The following NELL1 variants were observed in gnomAD, a reference collection of about 807,000 sequenced individuals.
NELL1 encodes the protein protein kinase C-binding protein NELL1.
Under a neutral mutation model 107.4 loss-of-function variants are expected in NELL1, and 76 were observed. The ratio of observed to expected loss-of-function variants is 0.71; its 90% CI spans 0.59 to 0.86. The LOEUF is 0.86. Ranked by LOEUF, NELL1 falls within the 40% of genes least tolerant of loss-of-function variation. The pLI is 0.00. For missense variants in NELL1, 1,024 were observed against 1,005.5 expected, an observed-to-expected ratio of 1.02 and a Z score of -0.25; for synonymous variants, 353 against 341.2, an observed-to-expected ratio of 1.03 and a Z score of -0.38.
At chr11:20,876,600 T>C (rs1464342111) in intron 4 of NELL1, among the ~76,000 whole-genome samples, 3 of 151,898 alleles carry the variant, frequency 2.0e-5, no homozygotes, top group Non-Finnish European at 4.4e-5. Context: ...CGGTCTCTAC[T>C]AAAAATACAA....
chr11:20,979,384 A>G, intron 12 of NELL1, among the ~76,000 whole-genome samples: 1 of 152,128 alleles, frequency 6.6e-6, no homozygotes, highest in Non-Finnish European at 1.5e-5. Context: ...TTGTGTGTGC[A>G]CACGTGTGTG....
chr11:21,457,184 A>G (rs1853768085), intron 15 of NELL1, among the ~76,000 whole-genome samples: 1 of 152,204 alleles, frequency 6.6e-6, no homozygotes, highest in South Asian at 2.1e-4. Context: ...TGATTAGAAT[A>G]TTGTTCATGT....
At chr11:20,929,404 T>G (rs545769452) in intron 9 of NELL1, among the ~76,000 whole-genome samples, 1 of 151,578 alleles carries the variant, frequency 6.6e-6, no homozygotes, top group Non-Finnish European at 1.5e-5. Flanking sequence ...AAATAATTGT[T>G]GAACTTTTCA....
chr11:21,197,586 T>C (rs1339308800), intron 13 of NELL1, among the ~76,000 whole-genome samples: 1 of 152,106 alleles, frequency 6.6e-6, no homozygotes, highest in Non-Finnish European at 1.5e-5. Flanking sequence ...AATTACTGAG[T>C]TGATGTTGAT....
chr11:20,774,860 A>G (rs1856718028), intron 2 of NELL1, among the ~76,000 whole-genome samples: 1 of 152,078 alleles, frequency 6.6e-6, no homozygotes, highest in Non-Finnish European at 1.5e-5. Context: ...ACACTATGTG[A>G]TGAGTACACC....
At position 21,462,352 on chromosome 11, in the gene NELL1, T is replaced by C. The variant is rs533215065; in HGVS notation, c.1646-72022T>C. Among the ~76,000 whole-genome samples, 3 of 152,266 alleles carry C rather than the reference T, an allele frequency of 2.0e-5. No homozygotes were observed. In the South Asian group the frequency reaches 6.2e-4, roughly 32 times the overall value. On this transcript the variant is annotated intron_variant, in intron 15 of 19. Coordinates refer to ENST00000357134, the MANE Select transcript of NELL1 (RefSeq NM_006157.5). ...AATGGGCAGTGCTTGCTCCTTAGCT[T>C]AGCCCAAGTAGCTTTTAAATGCAAT...
chr11:21,365,020 G>A (rs960279399), intron 14 of NELL1, among the ~76,000 whole-genome samples: 17 of 152,102 alleles, frequency 1.1e-4, no homozygotes, highest in African/African-American at 3.9e-4. Flanking sequence ...CTGGCAAAAA[G>A]CCCATTCATT....
In NELL1 at chr11:20,960,416, T is replaced by C; in HGVS notation, c.1172-16T>C. The C allele has an allele frequency of 2.5e-6, 4 of 1,611,326 alleles. No individual in the cohort carries two copies. Among genetic ancestry groups the C allele is most frequent in the Non-Finnish European group, 3.4e-6 (4 of 1,178,836 alleles). On this transcript the variant is annotated splice_polypyrimidine_tract_variant and intron_variant, in intron 11 of 19. Coordinates refer to ENST00000357134, the MANE Select transcript of NELL1 (RefSeq NM_006157.5). ...TTCCTCCTTTTCTGATGTACGTTTT[T>C]ATTTGTTTTTTCTAGGTCATAACTT... is the stretch of plus-strand genomic sequence containing the variant.
rs562605922 is a variant in NELL1, at chr11:21,333,210, G to A, written c.1550-37643G>A. Among the ~76,000 whole-genome samples the A allele has an allele frequency of 7.2e-5, 11 of 152,108 alleles. No individual in the cohort carries two copies. In the South Asian group the frequency reaches 2.3e-3, roughly 31 times the overall value. The stretch of plus-strand genomic sequence containing the variant: ...TAAGGACTAGGATGTAAAGACTAAA[G>A]GGCAAAGCAGCATCCAAAGTGGGTG... On this transcript the variant is annotated intron_variant, in intron 14 of 19. Transcript: ENST00000357134.
At position 21,534,411 on chromosome 11, in the gene NELL1, CA is replaced by C. The variant is rs756968799; in HGVS notation, c.1685del (p.Asn562ThrfsTer41). On this transcript the variant is annotated frameshift_variant, in exon 16 of 20. Coordinates refer to ENST00000357134, the MANE Select transcript of NELL1 (RefSeq NM_006157.5). LOFTEE classifies it high-confidence loss of function. ...ECSEGIIECHNHSRCVNLPGW... is the reference protein window; with the variant it reads ...ECSEGIIECHXHSRCVNLPGW... ...GTTCAGAGGGAATCATTGAGTGCCA[CA>C]ACCATTCCCGCTGCGTTAACCTGCC... 3.1e-6 allele frequency: 5 copies of C among 1,613,776 alleles called. No individual in the cohort carries two copies. In the African/African-American group the frequency reaches 6.7e-5, roughly 22 times the overall value.
chr11:20,682,984 G>GT (rs34650324), intron 2 of NELL1, among the ~76,000 whole-genome samples: 1 of 151,876 alleles, frequency 6.6e-6, no homozygotes, highest in African/African-American at 2.4e-5. Context: ...AATAATTTGT[G>GT]TTTTTTCATC....
At chr11:20,698,962 A>T (rs1467686578) in intron 2 of NELL1, among the ~76,000 whole-genome samples, 1 of 152,076 alleles carries the variant, frequency 6.6e-6, no homozygotes, top group Non-Finnish European at 1.5e-5. Context: ...CATGCCTGTA[A>T]TCCCAGTACT....
At chr11:21,366,186 G>C (rs1184761327) in intron 14 of NELL1, among the ~76,000 whole-genome samples, 1 of 152,124 alleles carries the variant, frequency 6.6e-6, no homozygotes, top group East Asian at 1.9e-4. Context: ...ATGAGTTTCT[G>C]TTTGTAAACT....
chr11:20,786,936 A>G (rs1856976116), intron 3 of NELL1, among the ~76,000 whole-genome samples: 1 of 124,010 alleles, frequency 8.1e-6, no homozygotes, highest in Admixed American at 1.1e-4. Context: ...TGAACCCGGG[A>G]GGTGGAGCTT....
intron 14 of NELL1, among the ~76,000 whole-genome samples, chr11:21,310,014 A>G (rs1849714251): frequency 6.6e-6 from 1 of 152,146 alleles, no homozygotes; most frequent in Non-Finnish European, 1.5e-5. Flanking sequence ...CTTAGTCTTC[A>G]CATAAAGGCA....
At chr11:21,284,660 A>T (rs1849076080) in intron 14 of NELL1, 1 of 386,634 alleles carries the variant, frequency 2.6e-6, no homozygotes, top group Non-Finnish European at 5.2e-6. Context: ...TTGGTGGGGC[A>T]GGCCTTGTGC....
chr11:21,229,580 A>C (rs1183077424), intron 14 of NELL1, 126 bp downstream of exon 14: 3 of 1,303,390 alleles, frequency 2.3e-6, no homozygotes, highest in Non-Finnish European at 3.2e-6. Context: ...CTGGTTTATC[A>C]ACTGGCAAGG....
intron 12 of NELL1, among the ~76,000 whole-genome samples, chr11:21,057,251 TG>T (rs1853634994): frequency 6.6e-6 from 1 of 152,114 alleles, no homozygotes; most frequent in African/African-American, 2.4e-5. Context: ...ATCAAATATA[TG>T]CAAACTAAAA....
chr11:21,390,760 A>G (rs1298417749), intron 15 of NELL1, among the ~76,000 whole-genome samples: 2 of 151,880 alleles, frequency 1.3e-5, no homozygotes, highest in Non-Finnish European at 2.9e-5. Flanking sequence ...ATGTTGGGTC[A>G]ACCTCAGATT....
Sources: allele counts gnomAD v4.1 joint callset (sites outside exome capture counted in the v4.1 genomes callset), GRCh38; gene constraint gnomAD v4.1.1; transcripts MANE v1.5; gene names NCBI Gene and HGNC (gene_info 2026-07-23, HGNC 2026-07-21).